Variants in CDHR2 observed in about 807,000 individuals in gnomAD.
The protein encoded by CDHR2 is cadherin related family member 2, also known as cadherin-related family member 2.
A neutral mutation model predicts 138.6 loss-of-function variants in CDHR2; 104 were observed. The observed-to-expected ratio is 0.75, with a 90% confidence interval of 0.64 to 0.88. CDHR2 has a LOEUF of 0.88. Ranked by LOEUF, CDHR2 falls within the 40% of genes least tolerant of loss-of-function variation. The probability of loss-of-function intolerance (pLI) is 0.00; values close to 1 mark genes in which losing one functional copy is unlikely to be tolerated. For synonymous variants in CDHR2, 755 were observed against 742.8 expected, an observed-to-expected ratio of 1.02 and a Z score of -0.27; for missense variants, 1,624 against 1,727.6, an observed-to-expected ratio of 0.94 and a Z score of 1.06.
chr5:176,555,537 G>A (rs1757801099), intron 1 of CDHR2, among the ~76,000 whole-genome samples: 1 of 151,992 alleles, frequency 6.6e-6, no homozygotes, highest in African/African-American at 2.4e-5. Context: ...GCTGCCCCCA[G>A]TTCAGCCCGG....
chr5:176,564,129 G>A (rs911772152), intron 1 of CDHR2, among the ~76,000 whole-genome samples: 10 of 152,156 alleles, frequency 6.6e-5, no homozygotes, highest in African/African-American at 1.7e-4. Flanking sequence ...GAAACAAAAC[G>A]TGTGGGGGCC....
chr5:176,577,815 C>T lies in CDHR2; in HGVS notation c.1512+17C>T, dbSNP rs771807256. On this transcript the variant is annotated intron_variant, in intron 14 of 31. Transcript: ENST00000261944. Reference sequence around the variant, plus strand: ...AGCATCCACGTGAGTGATGTGGACACAGTGGGGCTGTGGGGTCCCAGCAAG... The same window carrying T: ...AGCATCCACGTGAGTGATGTGGACATAGTGGGGCTGTGGGGTCCCAGCAAG... The T allele has an allele frequency of 1.1e-5, 18 of 1,612,834 alleles. No individual in the cohort carries two copies. The highest frequency in any genetic ancestry group is 1.5e-5 in the Non-Finnish European group (18 of 1,179,414).
chr5:176,543,090 C>T lies in CDHR2; in HGVS notation c.-16+321C>T, dbSNP rs1179847339. On this transcript the variant is annotated intron_variant, in intron 1 of 31. Transcript: ENST00000510636. This position sits in a 1 kb window ranked among gnomAD's most constrained non-coding sequence, Gnocchi z 4.0. ...GCGGACGGGGAGAAGAGCGGCGCAG[C>T]TCCCGCTGCCGGGCCCGGGACTGCG... 1.3e-5 allele frequency among the ~76,000 whole-genome samples: 2 copies of T among 151,734 alleles called. No homozygotes were observed. The highest frequency in any genetic ancestry group is 3.9e-4 in the East Asian group (2 of 5,136).
Position 176,578,416 on chromosome 5 carries a change from C to G in CDHR2, c.1626C>G (p.Asn542Lys). 6.2e-7 allele frequency: 1 copy of G among 1,614,036 alleles called. No homozygotes were observed. The highest frequency in any genetic ancestry group is 8.5e-7 in the Non-Finnish European group (1 of 1,179,994). The change falls in exon 16 of 32, where the codon AAC (asparagine) becomes AAG (lysine). Residue 542 changes from asparagine to lysine, a missense_variant. By Grantham distance (94) the Asn-to-Lys change is moderately conservative (BLOSUM62 0). Transcript: ENST00000261944. ...DPVSGTVTVR[N>K]GELLDRESQA... is the part of the protein sequence containing the mutation. ...TCTCAGGGACGGTGACGGTGAGGAA[C>G]GGTGAGCTGCTGGACCGGGAGAGCC...
At chr5:176,547,850 T>C (rs576158109), upstream of CDHR2, 1 of 152,372 alleles carries the variant, frequency 6.6e-6, no homozygotes, top group South Asian at 2.1e-4. Flanking sequence ...TACTATGTTT[T>C]ACATTTGGAG....
chr5:176,573,508 A>G (rs1758283031), intron 6 of CDHR2, among the ~76,000 whole-genome samples: 1 of 151,802 alleles, frequency 6.6e-6, no homozygotes, highest in South Asian at 2.1e-4. Context: ...TTAGCTAGGC[A>G]TGGTGGTGGG....
intron 1 of CDHR2, among the ~76,000 whole-genome samples, chr5:176,557,555 C>T (rs758867399): frequency 1.6e-5 from 2 of 127,318 alleles, no homozygotes; most frequent in African/African-American, 3.0e-5. Flanking sequence ...TTATCACCTT[C>T]TTAGATTTTT....
At chr5:176,557,206 TTG>T in intron 1 of CDHR2, among the ~76,000 whole-genome samples, 1 of 146,126 alleles carries the variant, frequency 6.8e-6, no homozygotes, top group East Asian at 2.0e-4. Flanking sequence ...TTTTGTTGTT[TTG>T]CTTTTTTTGT....
chr5:176,570,602 C>T (rs1758202316), intron 5 of CDHR2, among the ~76,000 whole-genome samples: 1 of 152,262 alleles, frequency 6.6e-6, no homozygotes, highest in Non-Finnish European at 1.5e-5. Context: ...CCATCTTGGC[C>T]TCCCAAAGTA....
At chr5:176,571,144 C>T (rs1359298027) in intron 5 of CDHR2, 69 bp from the exon 6 acceptor site, 17 of 954,600 alleles carry the variant, frequency 1.8e-5, no homozygotes, top group Non-Finnish European at 2.1e-5. Flanking sequence ...GCTCTTTGTA[C>T]GATACTTGCA....
intron 21 of CDHR2, among the ~76,000 whole-genome samples, chr5:176,588,074 A>G (rs1240428773): frequency 6.6e-6 from 1 of 152,238 alleles, no homozygotes; most frequent in Non-Finnish European, 1.5e-5. Context: ...TAGAATGAAT[A>G]AAAATGCTTG....
chr5:176,592,503 GTGATT>G (rs1343237923), intron 30 of CDHR2, among the ~76,000 whole-genome samples: 3 of 140,886 alleles, frequency 2.1e-5, no homozygotes, highest in Admixed American at 7.0e-5. Flanking sequence ...GGTGGTGATA[GTGATT>G]ATGATGATAG....
intron 3 of CDHR2, among the ~76,000 whole-genome samples, chr5:176,568,061 A>T (rs1173837858): frequency 6.6e-6 from 1 of 152,282 alleles, no homozygotes; most frequent in Admixed American, 6.5e-5. Context: ...CATGAAAAGA[A>T]GAAAGTCCTT....
chr5:176,568,085 G>A (rs1758124912), intron 3 of CDHR2, among the ~76,000 whole-genome samples: 2 of 152,200 alleles, frequency 1.3e-5, no homozygotes, highest in African/African-American at 2.4e-5. Flanking sequence ...AATGAATATC[G>A]GGGCCAGTGG....
rs776868022 is a variant in CDHR2, at chr5:176,578,437, G to A, written c.1647G>A (p.Glu549=). 6.2e-7 allele frequency: 1 copy of A among 1,614,104 alleles called. No homozygotes were observed. The change falls in exon 16 of 32, where the codon GAG becomes GAA. Residue 549 remains glutamate, a synonymous_variant. Transcript: ENST00000261944. ...GGAACGGTGAGCTGCTGGACCGGGA[G>A]AGCCAGGCCGTGTACTACCTGACGC... ...TVRNGELLDR[E]SQAVYYLTLQ...
intron 1 of CDHR2, among the ~76,000 whole-genome samples, chr5:176,554,786 G>A (rs994890818): frequency 6.6e-6 from 1 of 152,152 alleles, no homozygotes; most frequent in African/African-American, 2.4e-5. Context: ...TCAGCCTCCT[G>A]AGGATTACAG....
At chr5:176,566,136 C>T (rs1758073593) in intron 3 of CDHR2, among the ~76,000 whole-genome samples, 1 of 152,016 alleles carries the variant, frequency 6.6e-6, no homozygotes, top group Non-Finnish European at 1.5e-5. Context: ...CAGGCTCAGA[C>T]CCTTTCACAG....
rs374465389 is a variant in CDHR2 at position 176,577,787 on chromosome 5, G to A, written c.1501G>A (p.Asp501Asn). Residue 501 changes from aspartate (D) to asparagine (N), a missense_variant, in exon 14 of 32, where the codon GAC becomes AAC. Transcript: ENST00000261944. ...CAGCGCCACCGGCTCTGTGGTCACC[G>A]ACAGCATCCACGTGAGTGATGTGGA... ...EHSATGSVVT[D>N]SIHATDPDTG... The A allele has an allele frequency of 1.2e-5, 19 of 1,614,048 alleles. No homozygotes were observed. The highest frequency in any genetic ancestry group is 1.1e-4 in the South Asian group (10 of 91,066).
At chr5:176,589,303 C>G in intron 22 of CDHR2, 27 bp from the exon 23 acceptor site, 3 of 1,559,026 alleles carry the variant, frequency 1.9e-6, no homozygotes, top group Non-Finnish European at 2.6e-6. Context: ...GGTTCCAAGA[C>G]TGACCTGCGC....
Sources: allele counts gnomAD v4.1 joint callset (sites outside exome capture counted in the v4.1 genomes callset), GRCh38; gene constraint gnomAD v4.1.1; non-coding constraint Gnocchi (gnomAD v3.1); transcripts MANE v1.5; gene names NCBI Gene and HGNC (gene_info 2026-07-23, HGNC 2026-07-21).